UGT1A6: variants seen among roughly 807,000 people sequenced by gnomAD.
UGT1A6 encodes the protein UDP glucuronosyltransferase family 1 member A6, also known as UDP-glucuronosyltransferase 1A6.
In UGT1A6, 32 loss-of-function variants were observed where a neutral mutation model predicts 44.4. The observed-to-expected ratio is 0.72, with a 90% CI of 0.54 to 0.97. The LOEUF is 0.97. UGT1A6 is among the 50% of genes least tolerant of loss of function. UGT1A6 has a pLI of 0.00. For synonymous variants in UGT1A6, 238 were observed against 248.5 expected (o/e 0.96, Z 0.40); for missense variants, 685 against 661.9 (o/e 1.03, Z -0.38).
chr2:233,747,367 A>T (rs752238909), intron 1 of UGT1A6: 40 of 1,604,286 alleles, frequency 2.5e-5, no homozygotes, highest in Non-Finnish European at 3.4e-5. Context: ...CGGGAGCTCC[A>T]TGCCAGAGGC....
At position 233,772,364 on chromosome 2, in the gene UGT1A6, G is replaced by A. The variant is rs2126066742; in HGVS notation, c.1404G>A (p.Lys468=). The A allele has an allele frequency of 6.2e-7, 1 of 1,614,266 alleles. No homozygotes were observed. Among genetic ancestry groups the A allele is most frequent in the Non-Finnish European group, 8.5e-7 (1 of 1,180,054 alleles). ...VFWVEFVMRH[K]GAPHLRPAAH... is the part of the protein sequence containing the mutation. ...GGGTGGAGTTTGTGATGAGGCACAAGGGCGCGCCACACCTGCGCCCCGCAG... is the reference window on the plus strand; with the variant it reads ...GGGTGGAGTTTGTGATGAGGCACAAAGGCGCGCCACACCTGCGCCCCGCAG... The change falls in exon 5 of 5, where the codon AAG becomes AAA. Residue 468 remains lysine, a synonymous_variant. Transcript: ENST00000305139.
Position 233,729,304 on chromosome 2 carries a change from G to A in UGT1A6, c.861+35439G>A, listed in dbSNP as rs779287318. ...CCATGCCAGAGGCCACCAGGCAGTG[G>A]TCCTCACCCCAGAGGTGAATATGCA... is the stretch of plus-strand genomic sequence containing the variant. On this transcript the variant is annotated intron_variant, in intron 1 of 4. Transcript: ENST00000305139. 10 of 1,614,264 alleles carry A rather than the reference G, an allele frequency of 6.2e-6. No homozygotes were observed. In the South Asian group the frequency reaches 1.1e-4, roughly 18 times the overall value.
chr2:233,754,116 G>C (rs1358690649), intron 1 of UGT1A6, among the ~76,000 whole-genome samples: 1 of 152,172 alleles, frequency 6.6e-6, no homozygotes, highest in Non-Finnish European at 1.5e-5. Flanking sequence ...TACATCACGA[G>C]CATTTATGTG....
chr2:233,728,611 G>C (rs1206625269), intron 1 of UGT1A6, among the ~76,000 whole-genome samples: 1 of 152,228 alleles, frequency 6.6e-6, no homozygotes, highest in Non-Finnish European at 1.5e-5. Context: ...CCTCCACGCT[G>C]TTCAGAGAAA....
chr2:233,767,818 C>G lies in UGT1A6; in HGVS notation c.994-31C>G, dbSNP rs766005162. On this transcript the variant is annotated intron_variant, in intron 2 of 4. Coordinates refer to ENST00000305139, the MANE Select transcript of UGT1A6 (RefSeq NM_001072.4). ...GTTTTCTAATCATATTATGTTCTTT[C>G]TTTACGTTCTGCTCTTTTTGCCCCT... The G allele has an allele frequency of 1.9e-6, 3 of 1,614,028 alleles. No homozygotes were observed. In the South Asian group the frequency reaches 3.3e-5, roughly 18 times the overall value.
intron 1 of UGT1A6, among the ~76,000 whole-genome samples, chr2:233,718,195 A>C (rs1455631272): frequency 6.6e-6 from 1 of 152,034 alleles, no homozygotes; most frequent in Non-Finnish European, 1.5e-5. Flanking sequence ...GCCTCCCCGG[A>C]GCTTTTTTTT....
chr2:233,756,447 C>T (rs1249165740), intron 1 of UGT1A6: 1 of 151,922 alleles, frequency 6.6e-6, no homozygotes, highest in Non-Finnish European at 1.5e-5. Context: ...TTGTTCCCCC[C>T]AAATATTTTC....
intron 1 of UGT1A6, among the ~76,000 whole-genome samples, chr2:233,766,787 C>G (rs1296978407): frequency 6.6e-6 from 1 of 152,170 alleles, no homozygotes; most frequent in Non-Finnish European, 1.5e-5. Flanking sequence ...TTTTGGAAAA[C>G]TAGCACATTA....
chr2:233,732,449 C>T (rs1329295368), intron 1 of UGT1A6, among the ~76,000 whole-genome samples: 2 of 152,220 alleles, frequency 1.3e-5, no homozygotes, highest in Admixed American at 1.3e-4. Flanking sequence ...TTAGGTCTAA[C>T]ATTTGAGTCT....
At chr2:233,727,811 G>C (rs1024803216) in intron 1 of UGT1A6, among the ~76,000 whole-genome samples, 4 of 152,210 alleles carry the variant, frequency 2.6e-5, no homozygotes, top group African/African-American at 9.7e-5. Context: ...CATGGGTTCT[G>C]TCCAAAGGTG....
chr2:233,755,370 G>C, intron 1 of UGT1A6: 2 of 359,040 alleles, frequency 5.6e-6, no homozygotes, highest in South Asian at 4.4e-5. Context: ...GCCGCCTGGA[G>C]GGCCGCCCCT....
chr2:233,728,580 C>A (rs28898616), intron 1 of UGT1A6, among the ~76,000 whole-genome samples: 1 of 152,188 alleles, frequency 6.6e-6, no homozygotes, highest in African/African-American at 2.4e-5. Flanking sequence ...GTGCGAAAAA[C>A]GACCAAAACC....
At chr2:233,762,292 A>G (rs1037418079) in intron 1 of UGT1A6, among the ~76,000 whole-genome samples, 1 of 152,236 alleles carries the variant, frequency 6.6e-6, no homozygotes, top group Non-Finnish European at 1.5e-5. Context: ...GAAAGGTGCC[A>G]ACCGAGGTCT....
chr2:233,721,629 A>T (rs923769431), intron 1 of UGT1A6: 2 of 200,638 alleles, frequency 1.0e-5, no homozygotes, highest in East Asian at 1.5e-4. Context: ...ATCAGTAAAG[A>T]TCATCTTGAA....
At chr2:233,757,839 A>T (rs1696732636) in intron 1 of UGT1A6, among the ~76,000 whole-genome samples, 1 of 151,872 alleles carries the variant, frequency 6.6e-6, no homozygotes, top group Non-Finnish European at 1.5e-5. Flanking sequence ...GTGGCCTACT[A>T]ACTTATGTCT....
chr2:233,708,891 G>A (rs1366135571), intron 1 of UGT1A6, among the ~76,000 whole-genome samples: 1 of 151,994 alleles, frequency 6.6e-6, no homozygotes, highest in African/African-American at 2.4e-5. Flanking sequence ...AACAATCTCA[G>A]GGGCTATCTG....
chr2:233,746,329 G>C (rs1693363946), intron 1 of UGT1A6, among the ~76,000 whole-genome samples: 1 of 151,754 alleles, frequency 6.6e-6, no homozygotes, highest in Admixed American at 6.5e-5. Context: ...GATCTACAGG[G>C]CAATGGACAT....
intron 1 of UGT1A6, among the ~76,000 whole-genome samples, chr2:233,765,988 G>A (rs909645564): frequency 6.6e-6 from 1 of 152,138 alleles, no homozygotes; most frequent in Non-Finnish European, 1.5e-5. Flanking sequence ...AGCTCCTGAA[G>A]CTCCAGTGGG....
In UGT1A6 at chr2:233,760,993, G is replaced by C. The variant is rs367668492; in HGVS notation, c.862-6041G>C. ...TTCCCCGTATGCAACCCTTGCCTCA[G>C]AATTCCTTCAGAGAGAGGTGACTGT... On this transcript the variant is annotated intron_variant, in intron 1 of 4. Coordinates refer to ENST00000305139, the MANE Select transcript of UGT1A6 (RefSeq NM_001072.4). The C allele has an allele frequency of 4.5e-5, 73 of 1,614,036 alleles. No homozygotes were observed. Among genetic ancestry groups the C allele is most frequent in the South Asian group, 2.0e-4 (18 of 91,074 alleles).
Sources: gnomAD v4.1 joint callset for allele counts (sites outside exome capture counted in the v4.1 genomes callset) on GRCh38, gnomAD v4.1.1 for gene constraint, MANE v1.5 for transcripts, NCBI Gene and HGNC (gene_info 2026-07-23, HGNC 2026-07-21) for gene names.